Variants in OTOA observed in about 807,000 individuals in gnomAD.
OTOA encodes cancer/testis antigen 108.
Under a neutral mutation model 110.8 loss-of-function variants are expected in OTOA, and 70 were observed. The observed-to-expected ratio is 0.63, with a 90% CI of 0.52 to 0.77. The LOEUF is 0.77. Ranked by LOEUF, OTOA falls within the 30% of genes least tolerant of loss-of-function variation. The pLI, the probability that OTOA is intolerant of heterozygous loss-of-function variation, is 0.00. For synonymous variants in OTOA, 373 were observed against 431.5 expected (o/e 0.86, Z 1.68); for missense variants, 917 against 1,075.8 (o/e 0.85, Z 2.06).
chr16:21,757,899 C>G (rs1163527811), intron 28 of OTOA, among the ~76,000 whole-genome samples: 1 of 152,094 alleles, frequency 6.6e-6, no homozygotes, highest in African/African-American at 2.4e-5. Flanking sequence ...ATTACAGGCG[C>G]GAGCCACCAA....
At chr16:21,720,918 A>ATTG (rs1192384355) in intron 17 of OTOA, among the ~76,000 whole-genome samples, 1 of 149,146 alleles carries the variant, frequency 6.7e-6, no homozygotes, top group Non-Finnish European at 1.5e-5. Flanking sequence ...TATTATTATT[A>ATTG]TTATCATTAT....
intron 6 of OTOA, among the ~76,000 whole-genome samples, chr16:21,683,052 A>G (rs1966924767): frequency 6.6e-6 from 1 of 152,192 alleles, no homozygotes; most frequent in Non-Finnish European, 1.5e-5. Flanking sequence ...CTTCCTGTGT[A>G]TATACCATAT....
rs373956488 is a variant in OTOA, at chr16:21,719,114, G to A, written c.1630-19G>A. 7 of 1,611,610 alleles carry A rather than the reference G, an allele frequency of 4.3e-6. No homozygotes were observed. The Admixed American group carries it at 5.0e-5, about 12-fold the overall frequency. On this transcript the variant is annotated intron_variant, in intron 15 of 28. Coordinates refer to ENST00000646100, the MANE Select transcript of OTOA (RefSeq NM_144672.4). ...CGCTGAGTGTGCCATCAGTGCTAAC[G>A]ATCATTCTCTTCTCGCAGGCTCTGT...
chr16:21,678,716 G>C, intron 2 of OTOA, 111 bp downstream of exon 2: 1 of 1,162,210 alleles, frequency 8.6e-7, no homozygotes, highest in South Asian at 1.2e-5. Context: ...GGCTGTGTGT[G>C]TGTGCATGTA....
chr16:21,685,501 G>A, intron 7 of OTOA, 140 bp downstream of exon 7: 1 of 1,198,730 alleles, frequency 8.3e-7, no homozygotes, highest in Non-Finnish European at 1.2e-6. Context: ...CAACCCCCTG[G>A]GGGCTTTAGG....
At position 21,697,852 on chromosome 16, in the gene OTOA, A is replaced by G; in HGVS notation, c.817A>G (p.Ile273Val). ...RYMVHLSFEE[I>V]TKISPIEIGL... ...CATGGTTCACCTATCGTTTGAAGAA[A>G]TTACGAAAATTAGTCCTATAGAAGT... Residue 273 changes from isoleucine to valine, a missense_variant, in exon 10 of 29, where the codon ATT (isoleucine) becomes GTT (valine). Ile to Val is a conservative substitution (Grantham distance 29). Around this residue, in one of 6 missense-constraint regions of OTOA, gnomAD observed 840 missense variants for 910.2 expected, o/e 0.92. Transcript: ENST00000646100. 6.2e-7 allele frequency: 1 copy of G among 1,614,008 alleles called. No homozygotes were observed.
At chr16:21,723,493 A>G (rs1011197449) in intron 18 of OTOA, among the ~76,000 whole-genome samples, 2 of 152,014 alleles carry the variant, frequency 1.3e-5, no homozygotes, top group African/African-American at 4.8e-5. Context: ...TAGTTCTCAG[A>G]TAGCTAAATT....
At chr16:21,678,302 T>C (rs1169371434) in intron 1 of OTOA, among the ~76,000 whole-genome samples, 1 of 151,944 alleles carries the variant, frequency 6.6e-6, no homozygotes, top group Non-Finnish European at 1.5e-5. Flanking sequence ...TAGACAAGAA[T>C]GGGGGTTTAG....
At chr16:21,744,423 A>G (rs1366254175) in intron 23 of OTOA, among the ~76,000 whole-genome samples, 3 of 146,112 alleles carry the variant, frequency 2.1e-5, no homozygotes, top group Admixed American at 6.9e-5. Flanking sequence ...CTGAGATTCC[A>G]AGTGTGAGCC....
chr16:21,730,482 G>C (rs867316427), intron 20 of OTOA: 1 of 325,220 alleles, frequency 3.1e-6, no homozygotes, highest in Non-Finnish European at 6.0e-6. Context: ...GCTGAATCCC[G>C]TGTCTCAAAT....
Position 21,710,081 on chromosome 16 carries a change from C to A in OTOA, c.1298C>A (p.Ala433Asp). 2 of 1,613,460 alleles carry A rather than the reference C, an allele frequency of 1.2e-6. No individual in the cohort carries two copies. The highest frequency in any genetic ancestry group is 1.7e-6 in the Non-Finnish European group (2 of 1,179,794). Residue 433 changes from alanine to aspartate, a missense_variant, in exon 13 of 29, where the codon GCC (alanine) becomes GAC (aspartate). By Grantham distance (126) the Ala-to-Asp change is moderately radical. Transcript: ENST00000646100. ...AAGAGCCAGGTCATCATCTTGTCTG[C>A]CAAATACTTGGCCCATGAGAAGGTC... Reference protein sequence around the residue: ...WAKSQVIILSAKYLAHEKVLS... With the variant: ...WAKSQVIILSDKYLAHEKVLS...
At chr16:21,714,258 TCTTTCTTTCTTTCTTTCCTCCTTC>T (rs1195741898) in intron 13 of OTOA, among the ~76,000 whole-genome samples, 8 of 149,216 alleles carry the variant, frequency 5.4e-5, no homozygotes, top group African/African-American at 1.7e-4. Flanking sequence ...CTTTTTTCTT[TCTTTCTTTCTTTCTTTCCTCCTTC>T]CTTTCTTTCT....
chr16:21,668,485 A>G (rs1338004840), intron 1 of OTOA, among the ~76,000 whole-genome samples: 2 of 131,228 alleles, frequency 1.5e-5, no homozygotes, highest in Non-Finnish European at 3.2e-5. Flanking sequence ...TTGGAGACAG[A>G]GTTTCACTCT....
chr16:21,716,163 A>G (rs187762737), intron 14 of OTOA, among the ~76,000 whole-genome samples: 36 of 152,144 alleles, frequency 2.4e-4, no homozygotes, highest in Admixed American at 4.6e-4. Context: ...GGCCTCCTAC[A>G]GTGCTGGGAT....
At chr16:21,666,242 C>CTTTTTTT (rs1966840097) in intron 1 of OTOA, among the ~76,000 whole-genome samples, 1 of 129,410 alleles carries the variant, frequency 7.7e-6, no homozygotes, top group South Asian at 2.3e-4. Flanking sequence ...CATGAAATGG[C>CTTTTTTT]ATTTTTTTTT....
At chr16:21,705,444 GGTAAGT>G in intron 12 of OTOA, 152 bp downstream of exon 12, 2 of 1,167,582 alleles carry the variant, frequency 1.7e-6, no homozygotes, top group Non-Finnish European at 2.5e-6. Flanking sequence ...CAAATACTGA[GGTAAGT>G]GTAACATCGA....
At chr16:21,719,090 G>T (rs758174788) in intron 15 of OTOA, 43 bp from the exon 16 acceptor site, 1 of 1,560,160 alleles carries the variant, frequency 6.4e-7, no homozygotes, top group South Asian at 1.1e-5. Flanking sequence ...TTGGGCACAC[G>T]CTGAGTGTGC....
intron 21 of OTOA, among the ~76,000 whole-genome samples, chr16:21,735,706 G>C (rs532773564): frequency 6.6e-6 from 1 of 152,170 alleles, no homozygotes; most frequent in Admixed American, 6.5e-5. Context: ...TGATCCTTCT[G>C]TCTCAGCCTC....
chr16:21,705,422 C>A, intron 12 of OTOA, 130 bp downstream of exon 12: 2 of 1,380,272 alleles, frequency 1.4e-6, no homozygotes, highest in Non-Finnish European at 2.0e-6. Context: ...CCAGTCACAG[C>A]AGATGGCATC....
Sources: allele counts gnomAD v4.1 joint callset (sites outside exome capture counted in the v4.1 genomes callset), GRCh38; gene constraint gnomAD v4.1.1; regional missense constraint gnomAD v4.1.1; transcripts MANE v1.5; gene names NCBI Gene and HGNC (gene_info 2026-07-23, HGNC 2026-07-21).